The following SYNE2 variants were observed in gnomAD, a reference collection of about 807,000 sequenced individuals.
SYNE2 encodes nesprin-2.
A neutral mutation model predicts 856.3 loss-of-function variants in SYNE2; 431 were observed. The ratio of observed to expected loss-of-function variants is 0.50; its 90% confidence interval spans 0.47 to 0.55. The LOEUF (loss-of-function observed/expected upper bound fraction) is 0.55. Ranked by LOEUF, SYNE2 falls within the 20% of genes least tolerant of loss-of-function variation. SYNE2 has a pLI of 0.00. For missense variants in SYNE2, 8,129 were observed against 8,023.2 expected (o/e 1.01, Z -0.50); for synonymous variants, 2,923 against 2,872.3 (o/e 1.02, Z -0.56).
chr14:64,054,082 G>A (rs7157993), intron 48 of SYNE2, among the ~76,000 whole-genome samples: 138,683 of 152,308 alleles, frequency 0.91, 63,242 homozygotes, highest in Non-Finnish European at 0.94. Context: ...TAGGTTCTAC[G>A]TAGAAATTCT....
Position 64,225,051 on chromosome 14 carries a change from G to A in SYNE2, c.20516+6G>A, listed in dbSNP as rs377410486. On this transcript the variant is annotated splice_donor_region_variant and intron_variant, in intron 115 of 115. Transcript: ENST00000555002. ...GAGGAGGAGACAGAGAGCAGGTAAC[G>A]GGGCTTTACCGTGACAGCAGTGCGT... 24 of 1,613,792 alleles carry A rather than the reference G, an allele frequency of 1.5e-5. 1 individual carries two copies. The African/African-American group carries it at 2.0e-4, about 13-fold the overall frequency.
At chr14:63,996,733 T>A (rs990199094) in intron 23 of SYNE2, among the ~76,000 whole-genome samples, 1 of 152,186 alleles carries the variant, frequency 6.6e-6, no homozygotes, top group African/African-American at 2.4e-5. Context: ...GCACACTCTG[T>A]GCTGGTTCTT....
chr14:63,798,898 A>G (rs1400418144), intron 1 of SYNE2, among the ~76,000 whole-genome samples: 5 of 152,188 alleles, frequency 3.3e-5, no homozygotes, highest in Non-Finnish European at 5.9e-5. Context: ...CGCTTGTCCA[A>G]ATGGGTTCTG....
chr14:64,216,042 G>A (rs753862433), intron 107 of SYNE2: 36 of 1,483,978 alleles, frequency 2.4e-5, no homozygotes, highest in Admixed American at 4.1e-5. Context: ...GTCGTGCTCC[G>A]TTGTGTACCC....
Position 64,070,975 on chromosome 14 carries a change from C to G in SYNE2, c.10697+65C>G. On this transcript the variant is annotated intron_variant, in intron 52 of 115. Transcript: ENST00000555002. ...AATTATGGCTCAAAATTTAGAAAAT[C>G]TAAAAGTATAGAATAATGGCAAATG... 3.2e-6 allele frequency: 5 copies of G among 1,559,832 alleles called. No individual in the cohort carries two copies. In the South Asian group the frequency reaches 4.5e-5, roughly 14 times the overall value.
In SYNE2 at chr14:64,029,673, GA is replaced by G. The variant is rs11348039; in HGVS notation, c.6715-216del. 0.8 allele frequency among the ~76,000 whole-genome samples: 122,004 copies of G among 152,106 alleles called. 49,728 individuals carry two copies. The highest frequency in any genetic ancestry group is 0.88 in the Non-Finnish European group (59,974 of 67,998). On this transcript the variant is annotated intron_variant, in intron 43 of 115. Coordinates refer to ENST00000555002, the MANE Select transcript of SYNE2 (RefSeq NM_182914.3). ...GGGGAAATGAAGGCAAAGAAGCATG[GA>G]AAAAACATTGTTTTCAATAAGAGTC...
At chr14:64,053,702 C>T (rs763828337) in intron 48 of SYNE2, 45 bp downstream of exon 48, 85 of 1,580,822 alleles carry the variant, frequency 5.4e-5, no homozygotes, top group Non-Finnish European at 7.2e-5. Context: ...TGCGGGGGCT[C>T]ACGCCTGTAA....
Position 64,137,810 on chromosome 14 carries a change from A to C in SYNE2, c.14670A>C (p.Gly4890=). ...FYQQIKRNIG[G]KHARLYQTLN... ...AGCAAATAAAAAGAAACATTGGTGG[A>C]AAACACGCCCGGCTTTACCAAACTC... The change falls in exon 79 of 116, where the codon GGA becomes GGC. Residue 4890 remains glycine, a synonymous_variant. Coordinates refer to ENST00000555002, the MANE Select transcript of SYNE2 (RefSeq NM_182914.3). 6.2e-7 allele frequency: 1 copy of C among 1,614,206 alleles called. No homozygotes were observed. Among genetic ancestry groups the C allele is most frequent in the Admixed American group, 1.7e-5 (1 of 60,036 alleles).
At chr14:63,768,192 A>G (rs1319836797) in intron 1 of SYNE2, among the ~76,000 whole-genome samples, 1 of 152,114 alleles carries the variant, frequency 6.6e-6, no homozygotes, top group Non-Finnish European at 1.5e-5. Flanking sequence ...CATGTCTCAA[A>G]AAAAAAAAAA....
chr14:63,894,393 ATTT>A (rs953313299), intron 1 of SYNE2, among the ~76,000 whole-genome samples: 5 of 150,386 alleles, frequency 3.3e-5, no homozygotes, highest in Non-Finnish European at 7.4e-5. Flanking sequence ...ATTAAAAACA[ATTT>A]TTTTTTCTAG....
At chr14:63,997,442 A>T in intron 25 of SYNE2, 51 bp downstream of exon 25, 1 of 1,383,334 alleles carries the variant, frequency 7.2e-7, no homozygotes, top group Non-Finnish European at 1.0e-6. Flanking sequence ...GTAAAAGACC[A>T]AGTGTACAAT....
At chr14:63,789,713 G>T (rs1887662637) in intron 1 of SYNE2, among the ~76,000 whole-genome samples, 2 of 152,024 alleles carry the variant, frequency 1.3e-5, no homozygotes, top group Non-Finnish European at 2.9e-5. Flanking sequence ...GGGAAGTGGA[G>T]GTTGCAATGA....
intron 99 of SYNE2, among the ~76,000 whole-genome samples, chr14:64,196,457 A>C (rs895425242): frequency 2.6e-5 from 4 of 152,178 alleles, no homozygotes; most frequent in Non-Finnish European, 5.9e-5. Flanking sequence ...ATACTGCAAA[A>C]TAGAATTTTT....
rs543426485 is a variant in SYNE2, at chr14:64,126,633, G to A, written c.13743G>A (p.Ala4581=). The A allele has an allele frequency of 3.2e-5, 51 of 1,614,130 alleles. No homozygotes were observed. The highest frequency in any genetic ancestry group is 2.2e-4 in the Admixed American group (13 of 60,010). ...TTGAGTTGAAGAAACTTTATTTAGC[G>A]CTAAGTGACAAGAAGGGTGATCTTT... ...LALELKKLYL[A]LSDKKGDLLK... Residue 4581 remains alanine, a synonymous_variant, in exon 73 of 116, where the codon GCG becomes GCA. Transcript: ENST00000555002.
At chr14:63,815,242 A>C (rs1300196242) in intron 1 of SYNE2, among the ~76,000 whole-genome samples, 1 of 129,344 alleles carries the variant, frequency 7.7e-6, no homozygotes, top group Non-Finnish European at 1.6e-5. Context: ...ATATATATGG[A>C]TATATATATA....
At chr14:63,980,925 T>A (rs2096580868) in intron 15 of SYNE2, 61 bp from the exon 16 acceptor site, 2 of 1,204,044 alleles carry the variant, frequency 1.7e-6, no homozygotes, top group Admixed American at 1.9e-5. Context: ...CAAATATTTT[T>A]AAATAGTATT....
At chr14:63,892,729 CT>C (rs11293385) in intron 1 of SYNE2, among the ~76,000 whole-genome samples, 84,174 of 130,132 alleles carry the variant, frequency 0.65, 25,465 homozygotes, top group South Asian at 0.72. Flanking sequence ...GGTGTACTTT[CT>C]TTTTTTTTTT....
At chr14:64,087,093 TAA>T (rs56917782) in intron 57 of SYNE2, among the ~76,000 whole-genome samples, 3 of 98,424 alleles carry the variant, frequency 3.0e-5, no homozygotes, top group East Asian at 3.3e-4. Context: ...TGATAATTGG[TAA>T]AAAAAAAAAA....
rs1439914153 is a variant in SYNE2 at position 64,078,613 on chromosome 14, T to C, written c.11163+7T>C. 2 of 1,613,478 alleles carry C rather than the reference T, an allele frequency of 1.2e-6. No individual in the cohort carries two copies. Among genetic ancestry groups the C allele is most frequent in the African/African-American group, 2.7e-5 (2 of 74,898 alleles). On this transcript the variant is annotated splice_region_variant and intron_variant, in intron 55 of 115. Coordinates refer to ENST00000555002, the MANE Select transcript of SYNE2 (RefSeq NM_182914.3). ...AGCTCAAGAAATTCAAAAGGTAAAA[T>C]CCTCCTTTAACTCCCTTCAGCATTT...
Sources: allele counts gnomAD v4.1 joint callset (sites outside exome capture counted in the v4.1 genomes callset), GRCh38; gene constraint gnomAD v4.1.1; transcripts MANE v1.5; gene names NCBI Gene and HGNC (gene_info 2026-07-23, HGNC 2026-07-21).